Variants in PCDH15 observed in about 807,000 individuals in gnomAD.
The protein encoded by PCDH15 is protocadherin related 15.
Under a neutral mutation model 178.5 loss-of-function variants are expected in PCDH15, and 129 were observed. The observed-to-expected ratio is 0.72, with a 90% confidence interval of 0.63 to 0.84. The LOEUF (loss-of-function observed/expected upper bound fraction) is 0.84, where lower values mean the gene tolerates loss of function less well. Ranked by LOEUF, PCDH15 falls within the 40% of genes least tolerant of loss-of-function variation. The pLI, the probability that PCDH15 is intolerant of heterozygous loss-of-function variation, is 0.00. For missense variants in PCDH15, 2,230 were observed against 2,099.9 expected, an observed-to-expected ratio of 1.06 and a Z score of -1.21; for synonymous variants, 800 against 732.0, an observed-to-expected ratio of 1.09 and a Z score of -1.50.
At chr10:55,327,422 G>T (rs1263742119) in intron 2 of PCDH15, among the ~76,000 whole-genome samples, 2 of 152,042 alleles carry the variant, frequency 1.3e-5, no homozygotes. Context: ...GAGAAGAAAA[G>T]GAAAGAAGAA....
chr10:55,560,102 C>T (rs967120475), intron 2 of PCDH15, among the ~76,000 whole-genome samples: 7 of 151,836 alleles, frequency 4.6e-5, no homozygotes, highest in African/African-American at 1.7e-4. Context: ...TACAGACAAA[C>T]ATGTCGTATC....
chr10:54,244,757 C>T (rs1221193549), intron 8 of PCDH15, among the ~76,000 whole-genome samples: 2 of 152,190 alleles, frequency 1.3e-5, no homozygotes, highest in East Asian at 1.9e-4. Flanking sequence ...TTCACCTCCC[C>T]TTCATTCCCA....
intron 21 of PCDH15, among the ~76,000 whole-genome samples, chr10:53,973,371 C>T (rs924575295): frequency 2.6e-5 from 4 of 151,800 alleles, no homozygotes; most frequent in African/African-American, 9.7e-5. Flanking sequence ...AGCACACCAA[C>T]GTGGCACATG....
intron 26 of PCDH15, among the ~76,000 whole-genome samples, chr10:53,869,333 C>T (rs964107014): frequency 2.6e-5 from 4 of 152,104 alleles, no homozygotes; most frequent in Admixed American, 1.3e-4. Context: ...TTTATAATCA[C>T]TCAACAAAGG....
At chr10:54,361,245 G>T (rs1479143671) in intron 5 of PCDH15, among the ~76,000 whole-genome samples, 1 of 152,068 alleles carries the variant, frequency 6.6e-6, no homozygotes, top group African/African-American at 2.4e-5. Context: ...GCATGTACAA[G>T]TGGACCCTCA....
At chr10:55,538,384 T>C (rs1429423427) in intron 2 of PCDH15, among the ~76,000 whole-genome samples, 1 of 148,946 alleles carries the variant, frequency 6.7e-6, no homozygotes, top group African/African-American at 2.5e-5. Context: ...TTTCCTTCCT[T>C]CCTTCCTTCC....
At chr10:54,330,371 A>T (rs1170271781) in intron 6 of PCDH15, among the ~76,000 whole-genome samples, 1 of 151,914 alleles carries the variant, frequency 6.6e-6, no homozygotes. Context: ...ACTGTACTGA[A>T]TGCTATAGGC....
rs2058333129 is a variant in PCDH15, at chr10:54,276,004, G to T, written c.877-39073C>A. Among the ~76,000 whole-genome samples, 3 of 151,562 alleles carry T rather than the reference G, an allele frequency of 2.0e-5. No individual in the cohort carries two copies. The South Asian group carries it at 6.2e-4, about 31-fold the overall frequency. ...CCCAGTACACAAAAATCAATTCCAG[G>T]TGGACTTAAAAACATAATGCAAAAG... On this transcript the variant is annotated intron_variant, in intron 8 of 37. Transcript: ENST00000644397.
chr10:54,233,846 G>C (rs1372306486), intron 9 of PCDH15, among the ~76,000 whole-genome samples: 1 of 152,226 alleles, frequency 6.6e-6, no homozygotes, highest in East Asian at 1.9e-4. Flanking sequence ...TTCCTTTAAA[G>C]ACTTTTGGCT....
intron 2 of PCDH15, among the ~76,000 whole-genome samples, chr10:54,902,869 T>C (rs568651175): frequency 1.2e-4 from 19 of 152,146 alleles, no homozygotes; most frequent in African/African-American, 4.6e-4. Context: ...CAGCCATAGA[T>C]AGGCAGTTTT....
chr10:54,370,677 G>T (rs1384506279), intron 4 of PCDH15, among the ~76,000 whole-genome samples: 1 of 151,694 alleles, frequency 6.6e-6, no homozygotes, highest in African/African-American at 2.4e-5. Context: ...CATGTGATTA[G>T]ACTATACTAG....
intron 2 of PCDH15, among the ~76,000 whole-genome samples, chr10:54,913,974 CAGGCAGT>C (rs1954861777): frequency 6.6e-6 from 1 of 152,154 alleles, no homozygotes; most frequent in Non-Finnish European, 1.5e-5. Flanking sequence ...TACAGGCTCA[CAGGCAGT>C]AGGGGGTTGC....
chr10:54,778,304 G>C (rs1025280928), intron 1 of PCDH15, among the ~76,000 whole-genome samples: 2 of 152,134 alleles, frequency 1.3e-5, no homozygotes, highest in African/African-American at 4.8e-5. Context: ...CACATTTTGT[G>C]TAGATTCCCT....
chr10:55,531,880 T>A (rs1046964782), intron 2 of PCDH15, among the ~76,000 whole-genome samples: 34 of 152,002 alleles, frequency 2.2e-4, no homozygotes, highest in African/African-American at 7.5e-4. Context: ...GTGTAAGAGA[T>A]CCCTTAAAAC....
Position 54,062,227 on chromosome 10 carries a change from C to CAAAAA in PCDH15, c.2220+4525_2220+4529dup, listed in dbSNP as rs72361686. On this transcript the variant is annotated intron_variant, in intron 18 of 37. Transcript: ENST00000644397. Reference sequence around the variant, plus strand: ...GGGTGACAAGAGTGAGATTCTGTCTCAAAAAAAAAAAAAAAAAAAAAAAAA... The same window carrying CAAAAA: ...GGGTGACAAGAGTGAGATTCTGTCTCAAAAAAAAAAAAAAAAAAAAAAAAAAAAAA... 8.6e-3 allele frequency among the ~76,000 whole-genome samples: 459 copies of CAAAAA among 53,556 alleles called. 17 individuals carry two copies. The highest frequency in any genetic ancestry group is 0.012 in the African/African-American group (126 of 10,370). 35.1% of individuals were successfully genotyped at this position (53,556 alleles called of 152,430 possible). A position where few individuals can be genotyped will look rare whatever the true frequency, so the allele number is the denominator to read the frequency against.
At chr10:55,479,023 G>C (rs1374858207) in intron 2 of PCDH15, among the ~76,000 whole-genome samples, 1 of 149,610 alleles carries the variant, frequency 6.7e-6, no homozygotes, top group Admixed American at 6.7e-5. Context: ...GAAAAGTCCA[G>C]GATCTGATGA....
intron 2 of PCDH15, among the ~76,000 whole-genome samples, chr10:55,497,626 A>G (rs1452090000): frequency 1.3e-5 from 2 of 151,894 alleles, no homozygotes; most frequent in Non-Finnish European, 2.9e-5. Context: ...TAAAATTAAC[A>G]GCATTTAAAT....
intron 3 of PCDH15, among the ~76,000 whole-genome samples, chr10:54,512,852 C>T (rs1469037678): frequency 6.6e-6 from 1 of 152,052 alleles, no homozygotes; most frequent in African/African-American, 2.4e-5. Flanking sequence ...TCTACTTTAT[C>T]TAACTTCCCT....
chr10:53,893,791 G>A (rs112010763), intron 26 of PCDH15, among the ~76,000 whole-genome samples: 80 of 152,210 alleles, frequency 5.3e-4, no homozygotes, highest in African/African-American at 1.8e-3. Flanking sequence ...TTGGGGACTC[G>A]GGGGACAGAG....
Sources: gnomAD v4.1 joint callset for allele counts (sites outside exome capture counted in the v4.1 genomes callset) on GRCh38, gnomAD v4.1.1 for gene constraint, MANE v1.5 for transcripts, NCBI Gene and HGNC (gene_info 2026-07-23, HGNC 2026-07-21) for gene names.